Variants in HSPA5 observed in about 807,000 individuals in gnomAD.
The protein encoded by HSPA5 is endoplasmic reticulum chaperone BiP.
HSPA5 carries 16 observed loss-of-function variants against 49.5 expected under a neutral mutation model. The ratio of observed to expected loss-of-function variants is 0.32; its 90% CI spans 0.22 to 0.49. The LOEUF is 0.49. Among genes scored for constraint, HSPA5 ranks in the 20% least tolerant of loss-of-function variants. The pLI, the probability that HSPA5 is intolerant of heterozygous loss-of-function variation, is 0.99. For synonymous variants in HSPA5, 271 were observed against 307.2 expected (o/e 0.88, Z 1.23); for missense variants, 376 against 819.0 (o/e 0.46, Z 6.60).
chr9:125,238,857 C>G (rs761352039), intron 5 of HSPA5, 30 bp from the exon 6 acceptor site: 3 of 1,609,982 alleles, frequency 1.9e-6, no homozygotes, highest in Non-Finnish European at 1.7e-6. Flanking sequence ...ACTGTGATGT[C>G]TGTTATCTAA....
Position 125,239,570 on chromosome 9 carries a change from T to C in HSPA5, c.493-37A>G, listed in dbSNP as rs200243211. On this transcript the variant is annotated intron_variant, in intron 3 of 7. Coordinates refer to ENST00000324460, the MANE Select transcript of HSPA5 (RefSeq NM_005347.5). The surrounding 1 kb of genome is among the most constrained non-coding windows in gnomAD (Gnocchi z 5.5). ...AAAGATAATTAAGTGTATTGTCACA[T>C]AGTTTAACCCTTATTTAAATTACAG... is the stretch of plus-strand genomic sequence containing the variant. 1.7e-5 allele frequency: 25 copies of C among 1,495,698 alleles called. No individual in the cohort carries two copies. The highest frequency in any genetic ancestry group is 2.3e-5 in the East Asian group (1 of 44,300). 92.7% of individuals were successfully genotyped at this position (1,495,698 alleles called of 1,614,324 possible).
chr9:125,240,895 G>A lies in HSPA5; in HGVS notation c.135C>T (p.Phe45=). The A allele has an allele frequency of 6.2e-7, 1 of 1,614,114 alleles. No individual in the cohort carries two copies. The highest frequency in any genetic ancestry group is 8.5e-7 in the Non-Finnish European group (1 of 1,179,930). Residue 45 remains phenylalanine (F), a synonymous_variant, in exon 2 of 8, where the codon TTC becomes TTT. Transcript: ENST00000324460. This position sits in a 1 kb window ranked among gnomAD's most constrained non-coding sequence, Gnocchi z 4.4. ...LGTTYSCVGV[F]KNGRVEIIAN... ...CGATGATCTCCACGCGGCCGTTCTT[G>A]AACACGCCGACGCTGGCAGAAAAAC... is the stretch of plus-strand genomic sequence containing the variant.
rs1321243297 is a variant in HSPA5 at position 125,240,589 on chromosome 9, G to T, written c.354+87C>A. 2.7e-6 allele frequency: 3 copies of T among 1,101,560 alleles called. No homozygotes were observed. The highest frequency in any genetic ancestry group is 4.1e-6 in the Non-Finnish European group (3 of 737,124). The allele number at this position is 1,101,560 out of a possible 1,614,324, so 68.2% of individuals were successfully genotyped here. ...ATCATGTCTATAACCTTCAACTGTTGTCTCAACACTTTTCCAGAGACTTAT... is the reference window on the plus strand; with the variant it reads ...ATCATGTCTATAACCTTCAACTGTTTTCTCAACACTTTTCCAGAGACTTAT... On this transcript the variant is annotated intron_variant, in intron 2 of 7. Coordinates refer to ENST00000324460, the MANE Select transcript of HSPA5 (RefSeq NM_005347.5). The surrounding 1 kb of genome is among the most constrained non-coding windows in gnomAD (Gnocchi z 4.4).
intron 6 of HSPA5, 42 bp from the exon 7 acceptor site, chr9:125,238,350 T>C (rs1455995860): frequency 6.5e-7 from 1 of 1,533,294 alleles, no homozygotes. Flanking sequence ...AAGTTCTCCC[T>C]ATGAGCTATG....
rs778286629 is a variant in HSPA5 at position 125,240,121 on chromosome 9, C to T, written c.492+51G>A. 1.2e-5 allele frequency: 18 copies of T among 1,475,084 alleles called. No homozygotes were observed. Among genetic ancestry groups the T allele is most frequent in the East Asian group, 2.3e-5 (1 of 43,972 alleles). The allele number at this position is 1,475,084 out of a possible 1,614,324, so 91.4% of individuals were successfully genotyped here. On this transcript the variant is annotated intron_variant, in intron 3 of 7. Coordinates refer to ENST00000324460, the MANE Select transcript of HSPA5 (RefSeq NM_005347.5). This position sits in a 1 kb window ranked among gnomAD's most constrained non-coding sequence, Gnocchi z 4.4. ...AAGGCTTCTATACATAACAGCCAAC[C>T]GAGAATACTAATGATCAAAAAATAC...
In HSPA5 at chr9:125,239,426, G is replaced by A. The variant is rs749620773; in HGVS notation, c.600C>T (p.Asn200=). 14 of 1,612,584 alleles carry A rather than the reference G, an allele frequency of 8.7e-6. No individual in the cohort carries two copies. Among genetic ancestry groups the A allele is most frequent in the Admixed American group, 6.7e-5 (4 of 59,876 alleles). ...IAGLNVMRII[N]EPTAAAIAYG... Reference sequence around the variant, plus strand: ...TCCCTGAATTTCATACTTACGGCTCGTTGATGATCCTCATAACATTTAGGC... The same window carrying A: ...TCCCTGAATTTCATACTTACGGCTCATTGATGATCCTCATAACATTTAGGC... The change falls in exon 4 of 8, where the codon AAC becomes AAT. Residue 200 remains asparagine, a synonymous_variant. Coordinates refer to ENST00000324460, the MANE Select transcript of HSPA5 (RefSeq NM_005347.5). This position sits in a 1 kb window ranked among gnomAD's most constrained non-coding sequence, Gnocchi z 5.5.
At position 125,241,105 on chromosome 9, in the gene HSPA5, C is replaced by T; in HGVS notation, c.22G>A (p.Ala8Thr). 6.2e-7 allele frequency: 1 copy of T among 1,612,714 alleles called. No individual in the cohort carries two copies. The highest frequency in any genetic ancestry group is 2.2e-5 in the East Asian group (1 of 44,882). Reference protein sequence around the residue: MKLSLVAAMLLLLSAARA... With the variant: MKLSLVATMLLLLSAARA... ...GCCGCGCTGAGCAGCAGCAGCATCG[C>T]GGCCACCAGGGAGAGCTTCATCTTG... The change falls in exon 1 of 8, where the codon GCG becomes ACG. Residue 8 changes from alanine to threonine, a missense_variant. Transcript: ENST00000324460.
chr9:125,240,325 A>G lies in HSPA5; in HGVS notation c.355-16T>C. On this transcript the variant is annotated splice_polypyrimidine_tract_variant and intron_variant, in intron 2 of 7. Coordinates refer to ENST00000324460, the MANE Select transcript of HSPA5 (RefSeq NM_005347.5). The surrounding 1 kb of genome is among the most constrained non-coding windows in gnomAD (Gnocchi z 4.4). ...TTTCAACCACCTATTTTAAAGAATT[A>G]TTGTTTTCAGACACAGATACAATGA... is the stretch of plus-strand genomic sequence containing the variant. The G allele has an allele frequency of 1.3e-6, 2 of 1,590,198 alleles. No individual in the cohort carries two copies. The highest frequency in any genetic ancestry group is 8.6e-7 in the Non-Finnish European group (1 of 1,167,076).
In HSPA5 at chr9:125,238,317, A is replaced by G. The variant is rs756555881; in HGVS notation, c.1235-9T>C. The G allele has an allele frequency of 1.9e-6, 3 of 1,610,652 alleles. No homozygotes were observed. Among genetic ancestry groups the G allele is most frequent in the Admixed American group, 1.7e-5 (1 of 59,568 alleles). Reference sequence around the variant, plus strand: ...AAGCAGTACCAGGTCACCTGTAAGGATAAGTTATTTAACTTTTAATTCAAG... The same window carrying G: ...AAGCAGTACCAGGTCACCTGTAAGGGTAAGTTATTTAACTTTTAATTCAAG... On this transcript the variant is annotated splice_polypyrimidine_tract_variant and intron_variant, in intron 6 of 7. Transcript: ENST00000324460.
In HSPA5 at chr9:125,241,171, G is replaced by C. The variant is rs756912173; in HGVS notation, c.-45C>G. The C allele has an allele frequency of 1.3e-5, 21 of 1,587,740 alleles. No individual in the cohort carries two copies. Among genetic ancestry groups the C allele is most frequent in the Non-Finnish European group, 1.8e-5 (21 of 1,169,408 alleles). ...GCAGCAGGCAGTCCAGCCACAGGCC[G>C]TAGCACAGGAGCACAGCGCAATTTC... On this transcript the variant is annotated 5_prime_UTR_variant, in exon 1 of 8. Coordinates refer to ENST00000324460, the MANE Select transcript of HSPA5 (RefSeq NM_005347.5).
Position 125,236,787 on chromosome 9 carries a change from A to T in HSPA5, c.1770T>A (p.Asp590Glu). ...EKLGGKLSSE[D>E]KETMEKAVEE... is the part of the protein sequence containing the mutation. ...CTACAGCTTTTTCCATGGTCTCCTT[A>T]TCTTCAGAGGAAAGTTTACCTCCCA... The change falls in exon 8 of 8, where the codon GAT becomes GAA. Residue 590 changes from aspartate (D) to glutamate (E), a missense_variant. Asp to Glu is a conservative substitution (Grantham distance 45, BLOSUM62 2). Transcript: ENST00000324460. The T allele has an allele frequency of 6.2e-7, 1 of 1,613,468 alleles. No individual in the cohort carries two copies. The highest frequency in any genetic ancestry group is 8.5e-7 in the Non-Finnish European group (1 of 1,179,710).
Position 125,240,253 on chromosome 9 carries a change from T to C in HSPA5, c.411A>G (p.Thr137=). 6.2e-7 allele frequency: 1 copy of C among 1,612,082 alleles called. No individual in the cohort carries two copies. Among genetic ancestry groups the C allele is most frequent in the Non-Finnish European group, 8.5e-7 (1 of 1,178,460 alleles). The part of the protein sequence containing the change: ...YIQVDIGGGQ[T]KTFAPEEISA... The stretch of plus-strand genomic sequence containing the variant: ...AAATTTCTTCAGGAGCAAATGTCTT[T>C]GTTTGCCCACCTCCAATATCAACTT... Residue 137 remains threonine (T), a synonymous_variant, in exon 3 of 8, where the codon ACA becomes ACG. Transcript: ENST00000324460. The surrounding 1 kb of genome is among the most constrained non-coding windows in gnomAD (Gnocchi z 4.4).
rs773203539 is a variant in HSPA5, at chr9:125,240,639, C to T, written c.354+37G>A. ...TAACTCTAAATACTCCCACCACCCA[C>T]CCGTTCTCTAACTGGATGAGAAAAA... On this transcript the variant is annotated intron_variant, in intron 2 of 7. Coordinates refer to ENST00000324460, the MANE Select transcript of HSPA5 (RefSeq NM_005347.5). The surrounding 1 kb of genome is among the most constrained non-coding windows in gnomAD (Gnocchi z 4.4). 6 of 1,543,182 alleles carry T rather than the reference C, an allele frequency of 3.9e-6. No homozygotes were observed. The highest frequency in any genetic ancestry group is 1.8e-6 in the Non-Finnish European group (2 of 1,116,908).
chr9:125,240,321 AATT>A lies in HSPA5; in HGVS notation c.355-15_355-13del, dbSNP rs1386502519. 9.4e-6 allele frequency: 15 copies of A among 1,592,582 alleles called. No individual in the cohort carries two copies. Among genetic ancestry groups the A allele is most frequent in the East Asian group, 2.2e-5 (1 of 44,702 alleles). On this transcript the variant is annotated splice_polypyrimidine_tract_variant and intron_variant, in intron 2 of 7. Transcript: ENST00000324460. This position sits in a 1 kb window ranked among gnomAD's most constrained non-coding sequence, Gnocchi z 4.4. ...TTCTTTTCAACCACCTATTTTAAAG[AATT>A]ATTGTTTTCAGACACAGATACAATG...
chr9:125,235,210 CT>C lies in HSPA5; in HGVS notation c.*1381del, dbSNP rs764080853. The stretch of plus-strand genomic sequence containing the variant: ...ACCTATCCTTGGGCAGTATTGGATT[CT>C]TTTTTTTTTTTTTGAGGTGGAGTCT... On this transcript the variant is annotated 3_prime_UTR_variant, in exon 8 of 8. Coordinates refer to ENST00000324460, the MANE Select transcript of HSPA5 (RefSeq NM_005347.5). The C allele has an allele frequency of 2.9e-3, 418 of 142,760 alleles. No individual in the cohort carries two copies. The highest frequency in any genetic ancestry group is 0.014 in the Middle Eastern group (4 of 280). The allele number at this position is 142,760 out of a possible 1,614,324, so 8.8% of individuals were successfully genotyped here.
chr9:125,241,242 C>CT lies in HSPA5; in HGVS notation c.-117_-116insA. The CT allele has an allele frequency of 4.0e-6, 5 of 1,249,436 alleles. No homozygotes were observed. The highest frequency in any genetic ancestry group is 5.5e-6 in the Non-Finnish European group (5 of 901,190). 77.4% of individuals were successfully genotyped at this position (1,249,436 alleles called of 1,614,324 possible). ...CCCGGGGTCACAAGGCGCCACGAAC[C>CT]AGGCGAAGGGCAGGTCTAGAAATAC... On this transcript the variant is annotated 5_prime_UTR_variant, in exon 1 of 8. Transcript: ENST00000324460.
chr9:125,240,607 A>G lies in HSPA5; in HGVS notation c.354+69T>C, dbSNP rs556551936. The stretch of plus-strand genomic sequence containing the variant: ...AACTGTTGTCTCAACACTTTTCCAG[A>G]GACTTATAACTCTAAATACTCCCAC... On this transcript the variant is annotated intron_variant, in intron 2 of 7. Coordinates refer to ENST00000324460, the MANE Select transcript of HSPA5 (RefSeq NM_005347.5). The surrounding 1 kb of genome is among the most constrained non-coding windows in gnomAD (Gnocchi z 4.4). 125 of 1,290,942 alleles carry G rather than the reference A, an allele frequency of 9.7e-5. No homozygotes were observed. In the African/African-American group the frequency reaches 1.7e-3, roughly 18 times the overall value. 80.0% of individuals were successfully genotyped at this position (1,290,942 alleles called of 1,614,324 possible).
chr9:125,241,313 T>C lies in HSPA5; in HGVS notation c.-187A>G, dbSNP rs1832564099. ...CACACTCGCGAAACACCCCAATAGG[T>C]CAATCTGTCTGTGCTGTCTTGGCCG... On this transcript the variant is annotated 5_prime_UTR_variant, in exon 1 of 8. Transcript: ENST00000324460. 3.9e-5 allele frequency: 25 copies of C among 644,478 alleles called. No homozygotes were observed. Among genetic ancestry groups the C allele is most frequent in the Admixed American group, 3.0e-5 (1 of 33,384 alleles). The allele number at this position is 644,478 out of a possible 1,614,324, so 39.9% of individuals were successfully genotyped here.
rs1832565110 is a variant in HSPA5, at chr9:125,241,330, T to C, written c.-204A>G. ...CCAATAGGTCAATCTGTCTGTGCTG[T>C]CTTGGCCGGCGTCGACCTCACCGTC... On this transcript the variant is annotated 5_prime_UTR_variant, in exon 1 of 8. Transcript: ENST00000324460. 9 of 607,910 alleles carry C rather than the reference T, an allele frequency of 1.5e-5. No homozygotes were observed. Among genetic ancestry groups the C allele is most frequent in the East Asian group, 8.8e-5 (3 of 33,944 alleles). The allele number at this position is 607,910 out of a possible 1,614,324, so 37.7% of individuals were successfully genotyped here.
Sources: allele counts gnomAD v4.1 joint callset, GRCh38; gene constraint gnomAD v4.1.1; non-coding constraint Gnocchi (gnomAD v3.1); transcripts MANE v1.5; gene names NCBI Gene and HGNC (gene_info 2026-07-23, HGNC 2026-07-21).